FOXP2: variants seen among roughly 807,000 people sequenced by gnomAD.
FOXP2 encodes forkhead box P2, also known as forkhead box protein P2.
Under a neutral mutation model 115.8 loss-of-function variants are expected in FOXP2, and 12 were observed. That is an observed-to-expected ratio of 0.10 (90% confidence interval 0.07 to 0.17). The LOEUF (loss-of-function observed/expected upper bound fraction) is 0.17. FOXP2 is among the 10% of genes least tolerant of loss of function. The pLI is 1.00. For missense variants in FOXP2, 629 were observed against 843.5 expected (o/e 0.75, Z 3.15); for synonymous variants, 328 against 297.7 (o/e 1.10, Z -1.05).
At chr7:114,643,204 G>C (rs1805678326) in intron 7 of FOXP2, among the ~76,000 whole-genome samples, 1 of 152,054 alleles carries the variant, frequency 6.6e-6, no homozygotes, top group African/African-American at 2.4e-5. Flanking sequence ...TTTTTCATGA[G>C]TGCATGTGGA....
chr7:114,467,903 C>G (rs1052171717), intron 2 of FOXP2, among the ~76,000 whole-genome samples: 1 of 152,088 alleles, frequency 6.6e-6, no homozygotes, highest in African/African-American at 2.4e-5. Flanking sequence ...ACCTGGTATT[C>G]TTCACATCCC....
chr7:114,226,786 A>G (rs1794758414), intron 1 of FOXP2, among the ~76,000 whole-genome samples: 1 of 151,910 alleles, frequency 6.6e-6, no homozygotes. Flanking sequence ...TTATTTTGAT[A>G]ATTTCTTGCT....
chr7:114,171,540 G>C (rs1083152), intron 1 of FOXP2, among the ~76,000 whole-genome samples: 131,344 of 152,184 alleles, frequency 0.86, 57,101 homozygotes, highest in Non-Finnish European at 0.92. Context: ...TACTACTACA[G>C]CAGCCTTGGT....
At chr7:114,645,999 C>T (rs1241117101) in intron 8 of FOXP2, among the ~76,000 whole-genome samples, 1 of 124,512 alleles carries the variant, frequency 8.0e-6, no homozygotes, top group African/African-American at 3.0e-5. Context: ...GGGTATGAAA[C>T]TGATTATAAG....
intron 1 of FOXP2, among the ~76,000 whole-genome samples, chr7:114,107,874 G>A (rs1167090902): frequency 6.6e-6 from 1 of 151,860 alleles, no homozygotes; most frequent in Non-Finnish European, 1.5e-5. Flanking sequence ...CTCATACAAT[G>A]TGGAATCTTG....
At position 114,383,047 on chromosome 7, in the gene FOXP2, T is replaced by C. The variant is rs148114854; in HGVS notation, c.-10-43455T>C. Among the ~76,000 whole-genome samples, 1,055 of 152,314 alleles carry C rather than the reference T, an allele frequency of 6.9e-3. 12 individuals are homozygous for C. The highest frequency in any genetic ancestry group is 0.024 in the African/African-American group (1,001 of 41,552). On this transcript the variant is annotated intron_variant, in intron 2 of 17. Transcript: ENST00000634411. Reference sequence around the variant, plus strand: ...GTGGGGAATCATTCTCTTTCCTCTGTTGTCATCCTGTCATTGACCTGACTG... The same window carrying C: ...GTGGGGAATCATTCTCTTTCCTCTGCTGTCATCCTGTCATTGACCTGACTG...
intron 2 of FOXP2, among the ~76,000 whole-genome samples, chr7:114,445,420 C>T (rs532569818): frequency 1.3e-5 from 2 of 152,266 alleles, no homozygotes; most frequent in South Asian, 4.2e-4. Context: ...AACTTAGGAT[C>T]AACTCCAACT....
At chr7:114,241,035 A>G (rs1167643493) in intron 1 of FOXP2, among the ~76,000 whole-genome samples, 1 of 151,976 alleles carries the variant, frequency 6.6e-6, no homozygotes, top group East Asian at 1.9e-4. Flanking sequence ...AGATTTTATT[A>G]TTTTGTTAAA....
chr7:114,595,810 T>C (rs1802666938), intron 3 of FOXP2, among the ~76,000 whole-genome samples: 1 of 151,926 alleles, frequency 6.6e-6, no homozygotes, highest in African/African-American at 2.4e-5. Flanking sequence ...TAGGAGAAGC[T>C]GTAGGAGAAT....
chr7:114,238,172 G>A (rs931512403), intron 1 of FOXP2, among the ~76,000 whole-genome samples: 1 of 152,148 alleles, frequency 6.6e-6, no homozygotes, highest in South Asian at 2.1e-4. Context: ...CAGATGTGCT[G>A]TTTGTGAATA....
At chr7:114,521,200 T>G (rs1179977219) in intron 2 of FOXP2, among the ~76,000 whole-genome samples, 1 of 152,142 alleles carries the variant, frequency 6.6e-6, no homozygotes, top group African/African-American at 2.4e-5. Context: ...TTAAAAGATT[T>G]TAATAGAATT....
chr7:114,471,998 A>G (rs1431423616), intron 2 of FOXP2, among the ~76,000 whole-genome samples: 1 of 151,524 alleles, frequency 6.6e-6, no homozygotes, highest in Non-Finnish European at 1.5e-5. Flanking sequence ...ATTTTTTTCC[A>G]ACTTGTAGCC....
chr7:114,644,920 T>C, intron 8 of FOXP2, 131 bp downstream of exon 8: 1 of 698,198 alleles, frequency 1.4e-6, no homozygotes. Context: ...AAGATTTTTG[T>C]GGGTTCCAAC....
At chr7:114,553,594 T>C (rs1800314754) in intron 3 of FOXP2, among the ~76,000 whole-genome samples, 1 of 152,156 alleles carries the variant, frequency 6.6e-6, no homozygotes, top group Non-Finnish European at 1.5e-5. Flanking sequence ...GACAGTTTTG[T>C]TGACAGATTA....
intron 3 of FOXP2, among the ~76,000 whole-genome samples, chr7:114,572,630 AAC>A (rs1801373867): frequency 6.6e-6 from 1 of 151,814 alleles, no homozygotes; most frequent in South Asian, 2.1e-4. Flanking sequence ...CCTAATTAGT[AAC>A]ACTTTTTCCT....
At chr7:114,490,390 C>T (rs561581593) in intron 2 of FOXP2, among the ~76,000 whole-genome samples, 1 of 152,066 alleles carries the variant, frequency 6.6e-6, no homozygotes, top group Non-Finnish European at 1.5e-5. Context: ...GTAAAAAGAT[C>T]AGTGATTGTC....
chr7:114,215,369 A>G (rs187885253), intron 1 of FOXP2, among the ~76,000 whole-genome samples: 310 of 152,276 alleles, frequency 2.0e-3, no homozygotes, highest in African/African-American at 6.9e-3. Context: ...CAGATTTTTC[A>G]GTATTTACAT....
At chr7:114,247,094 A>AAACACATGT (rs1795303358) in intron 1 of FOXP2, among the ~76,000 whole-genome samples, 1 of 152,168 alleles carries the variant, frequency 6.6e-6, no homozygotes, top group Non-Finnish European at 1.5e-5. Context: ...GTGTTTTACA[A>AAACACATGT]AATAATCTCA....
chr7:114,137,310 G>A (rs1792067346), intron 1 of FOXP2, among the ~76,000 whole-genome samples: 1 of 152,104 alleles, frequency 6.6e-6, no homozygotes, highest in Non-Finnish European at 1.5e-5. Context: ...GACTTTTAAA[G>A]TAACATTCAA....
Sources: gnomAD v4.1 joint callset for allele counts (sites outside exome capture counted in the v4.1 genomes callset) on GRCh38, gnomAD v4.1.1 for gene constraint, MANE v1.5 for transcripts, NCBI Gene and HGNC (gene_info 2026-07-23, HGNC 2026-07-21) for gene names.